The following ACER3 variants were observed in gnomAD, a reference collection of about 807,000 sequenced individuals.
ACER3 encodes the protein alkCDase 3.
A neutral mutation model predicts 48.9 loss-of-function variants in ACER3; 16 were observed. The ratio of observed to expected loss-of-function variants is 0.33; its 90% confidence interval spans 0.22 to 0.50. The LOEUF (loss-of-function observed/expected upper bound fraction) is 0.50, where lower values mean the gene tolerates loss of function less well. Ranked by LOEUF, ACER3 falls within the 20% of genes least tolerant of loss-of-function variation. ACER3 has a pLI of 0.98. For missense variants in ACER3, 227 were observed against 326.0 expected (o/e 0.70, Z 2.34); for synonymous variants, 109 against 107.8 (o/e 1.01, Z -0.07).
At chr11:76,990,466 G>C (rs1315388352) in intron 5 of ACER3, 73 bp from the exon 6 acceptor site, 1 of 1,061,772 alleles carries the variant, frequency 9.4e-7, no homozygotes, top group Non-Finnish European at 1.5e-6. Context: ...GGGATTTGCA[G>C]AGTAATTGGA....
intron 1 of ACER3, among the ~76,000 whole-genome samples, chr11:76,914,920 C>G (rs962830735): frequency 7.7e-4 from 117 of 152,198 alleles, no homozygotes; most frequent in African/African-American, 2.6e-3. Flanking sequence ...AGCTGGAAAC[C>G]ATCATTCTCA....
chr11:77,005,458 G>A (rs1949115569), intron 7 of ACER3, among the ~76,000 whole-genome samples: 1 of 151,890 alleles, frequency 6.6e-6, no homozygotes, highest in Non-Finnish European at 1.5e-5. Flanking sequence ...TCGATTCCTA[G>A]GGCCACCATG....
chr11:76,968,557 A>G (rs1948203615), intron 3 of ACER3, among the ~76,000 whole-genome samples: 1 of 152,242 alleles, frequency 6.6e-6, no homozygotes, highest in Non-Finnish European at 1.5e-5. Context: ...ACAAGGCTAC[A>G]GTAACCAAAA....
At chr11:76,978,864 A>C (rs946870529) in intron 4 of ACER3, among the ~76,000 whole-genome samples, 2 of 152,186 alleles carry the variant, frequency 1.3e-5, no homozygotes, top group Non-Finnish European at 2.9e-5. Context: ...CTTACGGTGT[A>C]TCTGATCAAA....
At chr11:76,896,682 G>A (rs1945938936) in intron 1 of ACER3, among the ~76,000 whole-genome samples, 1 of 152,136 alleles carries the variant, frequency 6.6e-6, no homozygotes, top group Non-Finnish European at 1.5e-5. Flanking sequence ...GATAGACTTT[G>A]AGATGTATGT....
At chr11:76,911,297 C>T (rs999061786) in intron 1 of ACER3, among the ~76,000 whole-genome samples, 1 of 152,112 alleles carries the variant, frequency 6.6e-6, no homozygotes, top group African/African-American at 2.4e-5. Context: ...AGGGTTCCTC[C>T]CTCTTCTGGA....
At chr11:76,897,243 C>G (rs866101711) in intron 1 of ACER3, among the ~76,000 whole-genome samples, 2 of 152,180 alleles carry the variant, frequency 1.3e-5, no homozygotes, top group African/African-American at 4.8e-5. Context: ...AGGCATGAGC[C>G]ACCACACCTG....
rs201974871 is a variant in ACER3 at position 76,976,309 on chromosome 11, G to A, written c.288G>A (p.Met96Ile). 3 of 1,605,628 alleles carry A rather than the reference G, an allele frequency of 1.9e-6. No individual in the cohort carries two copies. The highest frequency in any genetic ancestry group is 2.6e-6 in the Non-Finnish European group (3 of 1,175,338). Residue 96 changes from methionine (M) to isoleucine (I), a missense_variant, in exon 4 of 11, where the codon ATG becomes ATA. Met to Ile is a conservative substitution (Grantham distance 10). Around this residue, in one of 3 missense-constraint regions of ACER3, gnomAD observed 195 missense variants for 290.8 expected, o/e 0.67. Coordinates refer to ENST00000532485, the MANE Select transcript of ACER3 (RefSeq NM_018367.7). ...YEMQLLDELP[M>I]IYSCCIFVYC... ...TACAGCTATTGGATGAACTCCCAAT[G>A]ATATACAGCTGTTGCATATTTGTGT...
At chr11:76,875,259 G>A (rs549598961) in intron 1 of ACER3, among the ~76,000 whole-genome samples, 19 of 151,410 alleles carry the variant, frequency 1.3e-4, no homozygotes, top group East Asian at 3.9e-4. Context: ...GATTACAGGC[G>A]CAGGCCACTA....
chr11:76,953,707 G>A (rs1007705439), intron 2 of ACER3, among the ~76,000 whole-genome samples: 1 of 152,086 alleles, frequency 6.6e-6, no homozygotes, highest in African/African-American at 2.4e-5. Flanking sequence ...TAGTATCTTA[G>A]CACCACAGTT....
intron 7 of ACER3, among the ~76,000 whole-genome samples, chr11:77,013,314 T>C (rs1050077207): frequency 6.6e-6 from 1 of 151,810 alleles, no homozygotes; most frequent in Non-Finnish European, 1.5e-5. Context: ...ATTCAGAAAA[T>C]AAAAGGCAAG....
intron 2 of ACER3, among the ~76,000 whole-genome samples, chr11:76,957,881 A>G (rs1947883205): frequency 6.6e-6 from 1 of 152,090 alleles, no homozygotes; most frequent in African/African-American, 2.4e-5. Context: ...TAAAATGAAA[A>G]TAGTTTATTT....
At chr11:76,911,714 T>C (rs1946383073) in intron 1 of ACER3, among the ~76,000 whole-genome samples, 2 of 152,212 alleles carry the variant, frequency 1.3e-5, no homozygotes, top group Admixed American at 1.3e-4. Flanking sequence ...TCATTCCTTA[T>C]ATACTTGGCC....
intron 3 of ACER3, among the ~76,000 whole-genome samples, chr11:76,968,533 C>G (rs991546771): frequency 6.6e-6 from 1 of 152,208 alleles, no homozygotes; most frequent in African/African-American, 2.4e-5. Flanking sequence ...CTCTACCTGA[C>G]TTCAAACTAT....
At chr11:76,963,668 T>G (rs1948059301) in intron 3 of ACER3, among the ~76,000 whole-genome samples, 1 of 151,390 alleles carries the variant, frequency 6.6e-6, no homozygotes, top group Non-Finnish European at 1.5e-5. Flanking sequence ...AGACTCTAAG[T>G]CATGTGAAAT....
At chr11:76,905,353 G>A (rs1179690121) in intron 1 of ACER3, among the ~76,000 whole-genome samples, 3 of 151,970 alleles carry the variant, frequency 2.0e-5, no homozygotes, top group East Asian at 1.9e-4. Context: ...AGCATTTGTC[G>A]TTCTTTTACT....
rs918938984 is a variant in ACER3 at position 76,921,552 on chromosome 11, A to T, written c.104-5005A>T. Among the ~76,000 whole-genome samples, 8 of 152,238 alleles carry T rather than the reference A, an allele frequency of 5.3e-5. No individual in the cohort carries two copies. The East Asian group carries it at 1.5e-3, about 29-fold the overall frequency. ...TCGTAAATGTTAGTATGTTCTTATA[A>T]TCTTACCTGTTCTATTTAACCTTGT... On this transcript the variant is annotated intron_variant, in intron 1 of 10. Transcript: ENST00000532485.
chr11:76,987,070 A>T lies in ACER3; in HGVS notation c.402+1346A>T, dbSNP rs183910202. The stretch of plus-strand genomic sequence containing the variant: ...AACAGAGTGAGACTCCGTCTCAAAA[A>T]GAAAAAAAAGAAAAGAAAAAGGTAG... On this transcript the variant is annotated intron_variant, in intron 5 of 10. Transcript: ENST00000532485. Among the ~76,000 whole-genome samples, 1,137 of 152,332 alleles carry T rather than the reference A, an allele frequency of 7.5e-3. 7 individuals carry two copies. The highest frequency in any genetic ancestry group is 0.026 in the African/African-American group (1,071 of 41,570).
At chr11:77,009,357 G>A (rs568866979) in intron 7 of ACER3, among the ~76,000 whole-genome samples, 24 of 152,222 alleles carry the variant, frequency 1.6e-4, no homozygotes, top group African/African-American at 4.1e-4. Flanking sequence ...ACTCACTACC[G>A]CAAGGACAGA....
Sources: gnomAD v4.1 joint callset for allele counts (sites outside exome capture counted in the v4.1 genomes callset) on GRCh38, gnomAD v4.1.1 for gene constraint, gnomAD v4.1.1 regional missense constraint, MANE v1.5 for transcripts, NCBI Gene and HGNC (gene_info 2026-07-23, HGNC 2026-07-21) for gene names.